NAALAD2: variants seen among roughly 807,000 people sequenced by gnomAD.
The protein encoded by NAALAD2 is N-acetylated-alpha-linked acidic dipeptidase 2.
In NAALAD2, 89 loss-of-function variants were observed where a neutral mutation model predicts 95.6. The ratio of observed to expected loss-of-function variants is 0.93; its 90% CI spans 0.78 to 1.11. NAALAD2 has a LOEUF of 1.11. Ranked by LOEUF, NAALAD2 falls within the 50% of genes least tolerant of loss-of-function variation. NAALAD2 has a pLI of 0.00. For missense variants in NAALAD2, 894 were observed against 872.4 expected, an observed-to-expected ratio of 1.02 and a Z score of -0.31; for synonymous variants, 264 against 294.4, an observed-to-expected ratio of 0.90 and a Z score of 1.06.
At chr11:90,185,628 A>G (rs908868324) in intron 18 of NAALAD2, among the ~76,000 whole-genome samples, 1 of 152,092 alleles carries the variant, frequency 6.6e-6, no homozygotes, top group Non-Finnish European at 1.5e-5. Flanking sequence ...TGATCATGCC[A>G]TTGCACTCCA....
intron 7 of NAALAD2, 42 bp from the exon 8 acceptor site, chr11:90,159,197 T>G (rs1022981578): frequency 7.1e-6 from 10 of 1,415,578 alleles, no homozygotes; most frequent in Non-Finnish European, 9.0e-6. Context: ...TCCTTAGAAA[T>G]TGTGGTAGCC....
intron 17 of NAALAD2, 70 bp downstream of exon 17, chr11:90,181,771 C>T: frequency 1.0e-6 from 1 of 1,000,178 alleles, no homozygotes; most frequent in South Asian, 1.5e-5. Context: ...TGAACTGTTT[C>T]ACTCATATTA....
chr11:90,166,619 A>C (rs1459030254), intron 11 of NAALAD2, among the ~76,000 whole-genome samples: 1 of 151,778 alleles, frequency 6.6e-6, no homozygotes, highest in Admixed American at 6.6e-5. Context: ...GCGGATCACG[A>C]GGTCAGGAGA....
Position 90,152,340 on chromosome 11 carries a change from T to C in NAALAD2, c.652T>C (p.Tyr218His), listed in dbSNP as rs1391993026. Residue 218 changes from tyrosine to histidine, a missense_variant, in exon 6 of 19, where the codon TAC becomes CAC. Tyr to His is a moderately conservative substitution (Grantham distance 83). Transcript: ENST00000534061. ...AGCAGGAGCCATAGGAATCATCTTG[T>C]ACTCAGATCCAGCTGACTACTTTGC... ...MLAGAIGIILYSDPADYFAPE... is the reference protein window; with the variant it reads ...MLAGAIGIILHSDPADYFAPE... 2 of 1,612,466 alleles carry C rather than the reference T, an allele frequency of 1.2e-6. No individual in the cohort carries two copies. Among genetic ancestry groups the C allele is most frequent in the Non-Finnish European group, 1.7e-6 (2 of 1,178,842 alleles).
chr11:90,157,789 C>T (rs1057422665), intron 6 of NAALAD2, among the ~76,000 whole-genome samples: 1 of 151,516 alleles, frequency 6.6e-6, no homozygotes. Flanking sequence ...GGCGTGATCT[C>T]GGGTCACTGC....
At chr11:90,172,655 TG>T (rs1409007204) in intron 13 of NAALAD2, among the ~76,000 whole-genome samples, 1 of 152,232 alleles carries the variant, frequency 6.6e-6, no homozygotes, top group Non-Finnish European at 1.5e-5. Context: ...ATTATAATTT[TG>T]TATTACAAAA....
intron 16 of NAALAD2, 129 bp from the exon 17 acceptor site, chr11:90,181,491 G>T (rs1001284131): frequency 7.7e-6 from 5 of 649,052 alleles, no homozygotes; most frequent in African/African-American, 1.9e-5. Flanking sequence ...TCATGGATCT[G>T]CAAGAAGACT....
chr11:90,161,603 T>G (rs1952301187), intron 8 of NAALAD2, among the ~76,000 whole-genome samples: 1 of 152,170 alleles, frequency 6.6e-6, no homozygotes, highest in Admixed American at 6.5e-5. Flanking sequence ...GACAAATAAA[T>G]ATTCTTCTGG....
At chr11:90,143,323 C>T (rs532244091) in intron 2 of NAALAD2, among the ~76,000 whole-genome samples, 11 of 152,050 alleles carry the variant, frequency 7.2e-5, no homozygotes, top group Non-Finnish European at 1.3e-4. Context: ...TTTACTTCAA[C>T]TTTATTCTCC....
At chr11:90,140,996 T>G (rs1390975216) in intron 2 of NAALAD2, among the ~76,000 whole-genome samples, 2 of 152,188 alleles carry the variant, frequency 1.3e-5, no homozygotes, top group East Asian at 1.9e-4. Flanking sequence ...CTTTTGCACC[T>G]TTGTTAAAAA....
chr11:90,144,081 G>T (rs1416173007), intron 2 of NAALAD2, among the ~76,000 whole-genome samples: 1 of 152,106 alleles, frequency 6.6e-6, no homozygotes, highest in East Asian at 1.9e-4. Context: ...TACAGGAAAA[G>T]AATGAGTAGG....
intron 13 of NAALAD2, among the ~76,000 whole-genome samples, chr11:90,172,733 C>CT (rs377257815): frequency 3.7e-4 from 57 of 152,276 alleles, no homozygotes; most frequent in African/African-American, 1.2e-3. Context: ...GACTATGTCT[C>CT]TGTTTCCGCA....
intron 18 of NAALAD2, among the ~76,000 whole-genome samples, chr11:90,186,626 T>G (rs1189359790): frequency 1.1e-4 from 16 of 151,548 alleles, no homozygotes; most frequent in Non-Finnish European, 2.1e-4. Flanking sequence ...TAGCCATATG[T>G]AGAAAGCTGA....
At chr11:90,152,261 C>A in intron 5 of NAALAD2, 37 bp from the exon 6 acceptor site, 1 of 1,526,730 alleles carries the variant, frequency 6.5e-7, no homozygotes, top group Non-Finnish European at 8.9e-7. Context: ...CAACCATTTG[C>A]CATATCTGCA....
intron 4 of NAALAD2, among the ~76,000 whole-genome samples, chr11:90,149,320 A>AT (rs1358459249): frequency 6.6e-6 from 1 of 152,208 alleles, no homozygotes; most frequent in Non-Finnish European, 1.5e-5. Context: ...AACAAAACAA[A>AT]TACATTAAAA....
At chr11:90,144,604 T>G (rs2134844520) in intron 2 of NAALAD2, among the ~76,000 whole-genome samples, 1 of 151,922 alleles carries the variant, frequency 6.6e-6, no homozygotes, top group South Asian at 2.1e-4. Context: ...TAGCTGGGCA[T>G]TGTGGCATGC....
chr11:90,150,672 C>CCTT (rs2134867292), intron 5 of NAALAD2, 65 bp downstream of exon 5: 1 of 1,316,874 alleles, frequency 7.6e-7, no homozygotes, highest in East Asian at 2.6e-5. Flanking sequence ...ATGTAAATGA[C>CCTT]CAACTTGCTT....
intron 18 of NAALAD2, among the ~76,000 whole-genome samples, chr11:90,184,641 C>G (rs989918927): frequency 6.6e-6 from 1 of 151,924 alleles, no homozygotes; most frequent in African/African-American, 2.4e-5. Context: ...TTTAAAAACT[C>G]AGGCTCTGTA....
rs544029888 is a variant in NAALAD2 at position 90,137,799 on chromosome 11, T to TTTG, written c.194+2151_194+2153dup. Reference sequence around the variant, plus strand: ...TTTTATTTTTGTTTATTTTATTTATTTTGTTGTTGTTGTTGTTGTTGTTGG... The same window carrying TTTG: ...TTTTATTTTTGTTTATTTTATTTATTTTGTTGTTGTTGTTGTTGTTGTTGTTGG... On this transcript the variant is annotated intron_variant, in intron 2 of 18. Coordinates refer to ENST00000534061, the MANE Select transcript of NAALAD2 (RefSeq NM_005467.4). Among the ~76,000 whole-genome samples, 703 of 151,866 alleles carry TTTG rather than the reference T, an allele frequency of 4.6e-3. 7 individuals carry two copies. The highest frequency in any genetic ancestry group is 0.016 in the African/African-American group (646 of 41,410).
Sources: allele counts gnomAD v4.1 joint callset (sites outside exome capture counted in the v4.1 genomes callset), GRCh38; gene constraint gnomAD v4.1.1; transcripts MANE v1.5; gene names NCBI Gene and HGNC (gene_info 2026-07-23, HGNC 2026-07-21).